Variants in MDM2 observed in about 807,000 individuals in gnomAD.
MDM2 encodes MDM2 proto-oncogene, also known as E3 ubiquitin-protein ligase Mdm2.
In MDM2, 11 loss-of-function variants were observed where a neutral mutation model predicts 64.3. The ratio of observed to expected loss-of-function variants is 0.17; its 90% CI spans 0.11 to 0.28. The LOEUF is 0.28. MDM2 is among the 10% of genes least tolerant of loss of function. The pLI is 1.00. For missense variants in MDM2, 388 were observed against 577.1 expected (o/e 0.67, Z 3.36); for synonymous variants, 194 against 192.9 (o/e 1.01, Z -0.05).
In MDM2 at chr12:68,808,220, G is replaced by C. The variant is rs1488325326; in HGVS notation, c.-258G>C. ...CGCGGCGAGCTTGGCTGCTTCTGGG[G>C]CCTGTGTGGCCCTGTGTGTCGGAAA... On this transcript the variant is annotated 5_prime_UTR_variant, in exon 1 of 11. Transcript: ENST00000258149. 16 of 545,712 alleles carry C rather than the reference G, an allele frequency of 2.9e-5. No individual in the cohort carries two copies. The highest frequency in any genetic ancestry group is 1.1e-4 in the South Asian group (5 of 44,686). 33.8% of individuals were successfully genotyped at this position (545,712 alleles called of 1,614,324 possible).
chr12:68,826,081 A>G (rs1882292016), intron 7 of MDM2, among the ~76,000 whole-genome samples: 1 of 152,214 alleles, frequency 6.6e-6, no homozygotes, highest in Admixed American at 6.5e-5. Flanking sequence ...TAAAACTTCA[A>G]ATAGCAAAAA....
chr12:68,848,311 T>C (rs557125280), downstream of MDM2: 2 of 152,372 alleles, frequency 1.3e-5, no homozygotes, highest in South Asian at 2.1e-4. Flanking sequence ...GCCTCCCAAG[T>C]AGCTGTGTTA....
At chr12:68,824,303 G>A (rs920817688) in intron 5 of MDM2, 60 bp from the exon 6 acceptor site, 90 of 1,161,802 alleles carry the variant, frequency 7.7e-5, no homozygotes, top group Non-Finnish European at 8.4e-5. Context: ...TATCTACTGA[G>A]TAGCGCCCCG....
intron 1 of MDM2, among the ~76,000 whole-genome samples, chr12:68,808,713 C>A (rs1317834617): frequency 2.7e-5 from 4 of 149,766 alleles, no homozygotes; most frequent in Non-Finnish European, 5.9e-5. Flanking sequence ...TCGGACGGCT[C>A]TCGCGGCGGT....
chr12:68,815,951 A>G (rs549223522), intron 3 of MDM2, among the ~76,000 whole-genome samples: 76 of 152,292 alleles, frequency 5.0e-4, no homozygotes, highest in Non-Finnish European at 8.1e-4. Flanking sequence ...TAATGGTTCA[A>G]AGTCATTATT....
intron 4 of MDM2, 133 bp downstream of exon 4, chr12:68,817,078 C>T: frequency 9.9e-7 from 1 of 1,008,110 alleles, no homozygotes; most frequent in South Asian, 1.8e-5. Flanking sequence ...AATTTTTTAG[C>T]TCTGCGGCAT....
At position 68,841,679 on chromosome 12, in the gene MDM2, C is replaced by A; in HGVS notation, c.*1830C>A. On this transcript the variant is annotated 3_prime_UTR_variant, in exon 11 of 11. Transcript: ENST00000258149. ...GTTACATGGTTCCCAGCCTAGGTTT[C>A]AGACTTTTGCTTAAGGCCAGTTTTA... 1 of 209,144 alleles carries A rather than the reference C, an allele frequency of 4.8e-6. No individual in the cohort carries two copies. The highest frequency in any genetic ancestry group is 9.7e-6 in the Non-Finnish European group (1 of 102,944). The allele number at this position is 209,144 out of a possible 1,614,324, so 13.0% of individuals were successfully genotyped here. A position where few individuals can be genotyped will look rare whatever the true frequency, so the allele number is the denominator to read the frequency against.
intron 8 of MDM2, among the ~76,000 whole-genome samples, chr12:68,833,764 CCA>C (rs1421477319): frequency 6.6e-6 from 1 of 152,036 alleles, no homozygotes; most frequent in African/African-American, 2.4e-5. Flanking sequence ...GGGTGATGGG[CCA>C]CAGTTTGCAG....
chr12:68,821,044 C>CTTTT (rs36054804), intron 5 of MDM2, among the ~76,000 whole-genome samples: 14 of 103,778 alleles, frequency 1.3e-4, no homozygotes, highest in African/African-American at 3.0e-4. Context: ...ACACAGTTTG[C>CTTTT]TTTTTTTTTT....
chr12:68,824,400 G>A lies in MDM2; in HGVS notation c.396G>A (p.Arg132=). The A allele has an allele frequency of 6.2e-7, 1 of 1,613,952 alleles. No individual in the cohort carries two copies. The highest frequency in any genetic ancestry group is 8.5e-7 in the Non-Finnish European group (1 of 1,179,942). Residue 132 remains arginine, a synonymous_variant, in exon 6 of 11, where the codon AGG becomes AGA. Transcript: ENST00000258149. ...SDSGTSVSEN[R]CHLEGGSDQK... is the part of the protein sequence containing the mutation. ...CAGGTACATCTGTGAGTGAGAACAG[G>A]TGTCACCTTGAAGGTGGGAGTGATC... is the stretch of plus-strand genomic sequence containing the variant.
chr12:68,809,199 T>C lies in MDM2; in HGVS notation c.15-9T>C, dbSNP rs754965312. The C allele has an allele frequency of 5.6e-6, 9 of 1,610,342 alleles. No homozygotes were observed. The highest frequency in any genetic ancestry group is 6.8e-6 in the Non-Finnish European group (8 of 1,178,716). ...TCCAGTTTTCATCGTGTCTTTTTTTTCCTTGTAGGCAAATGTGCAATACCA... is the reference window on the plus strand; with the variant it reads ...TCCAGTTTTCATCGTGTCTTTTTTTCCCTTGTAGGCAAATGTGCAATACCA... On this transcript the variant is annotated splice_polypyrimidine_tract_variant and intron_variant, in intron 1 of 10. Transcript: ENST00000258149.
chr12:68,824,320 CCCGCCCA>C, intron 5 of MDM2, 36 bp from the exon 6 acceptor site: 1 of 1,511,838 alleles, frequency 6.6e-7, no homozygotes, highest in Non-Finnish European at 9.2e-7. Flanking sequence ...CCCGCCGCCC[CCCGCCCA>C]CCACCAAGTT....
At chr12:68,831,343 G>A (rs1655554551) in intron 8 of MDM2, among the ~76,000 whole-genome samples, 1 of 152,118 alleles carries the variant, frequency 6.6e-6, no homozygotes, top group African/African-American at 2.4e-5. Flanking sequence ...TGGAGGGGGT[G>A]GTGTCTTATT....
intron 1 of MDM2, 35 bp downstream of exon 1, chr12:68,808,526 C>T (rs2136104200): frequency 6.2e-7 from 1 of 1,613,850 alleles, no homozygotes; most frequent in East Asian, 2.2e-5. Flanking sequence ...ACTTTTGGGT[C>T]TGGGCTCTGA....
At chr12:68,824,747 T>A in intron 7 of MDM2, 96 bp downstream of exon 7, 1 of 807,274 alleles carries the variant, frequency 1.2e-6, no homozygotes. Flanking sequence ...ATTGTTCCCT[T>A]TTTTTGGTTG....
At chr12:68,830,609 C>T (rs1379623029) in intron 8 of MDM2, among the ~76,000 whole-genome samples, 1 of 152,072 alleles carries the variant, frequency 6.6e-6, no homozygotes, top group Non-Finnish European at 1.5e-5. Flanking sequence ...AAAAAATAGG[C>T]TCTTGAGCGG....
At position 68,842,304 on chromosome 12, in the gene MDM2, C is replaced by A. The variant is rs1255917107; in HGVS notation, c.*2455C>A. 3 of 495,882 alleles carry A rather than the reference C, an allele frequency of 6.0e-6. No homozygotes were observed. Among genetic ancestry groups the A allele is most frequent in the African/African-American group, 1.9e-5 (1 of 51,644 alleles). The allele number at this position is 495,882 out of a possible 1,614,324, so 30.7% of individuals were successfully genotyped here. On this transcript the variant is annotated 3_prime_UTR_variant, in exon 11 of 11. Transcript: ENST00000258149. ...AGAAGTCAGGCAAAACTCATCTTGA[C>A]CCCTGTTGCAGGCAAAGGAACGCAG...
At position 68,844,649 on chromosome 12, in the gene MDM2, GAAA is replaced by G. The variant is rs1359808074; in HGVS notation, c.*4805_*4807del. The G allele has an allele frequency of 4.4e-6, 1 of 225,162 alleles. No homozygotes were observed. The highest frequency in any genetic ancestry group is 2.3e-5 in the African/African-American group (1 of 44,062). 13.9% of individuals were successfully genotyped at this position (225,162 alleles called of 1,614,324 possible). A position where few individuals can be genotyped will look rare whatever the true frequency, so the allele number is the denominator to read the frequency against. ...GTGAGGCACAAATGTAAGTACATCA[GAAA>G]AAAACAAAAAAACTGGCTTTAAAGC... On this transcript the variant is annotated 3_prime_UTR_variant, in exon 11 of 11. Coordinates refer to ENST00000258149, the MANE Select transcript of MDM2 (RefSeq NM_002392.6).
chr12:68,833,304 A>AATATATATATTT (rs1883020518), intron 8 of MDM2, among the ~76,000 whole-genome samples: 1 of 114,968 alleles, frequency 8.7e-6, no homozygotes, highest in Non-Finnish European at 1.8e-5. Flanking sequence ...TATTTATATA[A>AATATATATATTT]ATATAAAAAT....
Sources: gnomAD v4.1 joint callset for allele counts (sites outside exome capture counted in the v4.1 genomes callset) on GRCh38, gnomAD v4.1.1 for gene constraint, MANE v1.5 for transcripts, NCBI Gene and HGNC (gene_info 2026-07-23, HGNC 2026-07-21) for gene names.